F13B: variants seen among roughly 807,000 people sequenced by gnomAD.
F13B encodes TGase.
A neutral mutation model predicts 79.8 loss-of-function variants in F13B; 58 were observed. The observed-to-expected ratio is 0.73, with a 90% CI of 0.59 to 0.90. F13B has a LOEUF of 0.90. Among genes scored for constraint, F13B ranks in the 40% least tolerant of loss-of-function variants. The pLI is 0.00. For synonymous variants in F13B, 283 were observed against 260.3 expected, an observed-to-expected ratio of 1.09 and a Z score of -0.84; for missense variants, 773 against 777.0, an observed-to-expected ratio of 0.99 and a Z score of 0.06.
At chr1:197,045,283 AAG>A (rs780979627) in intron 10 of F13B, among the ~76,000 whole-genome samples, 13 of 152,236 alleles carry the variant, frequency 8.5e-5, no homozygotes, top group Non-Finnish European at 1.8e-4. Flanking sequence ...TAAAGAAGAA[AAG>A]AGAGAAGAAT....
intron 10 of F13B, among the ~76,000 whole-genome samples, chr1:197,042,638 G>C (rs1309904332): frequency 6.9e-6 from 1 of 144,318 alleles, no homozygotes; most frequent in Admixed American, 7.2e-5. Flanking sequence ...GGCCAACATG[G>C]TGAAACCCCA....
At chr1:197,062,072 T>C in intron 2 of F13B, 103 bp from the exon 3 acceptor site, 1 of 995,974 alleles carries the variant, frequency 1.0e-6, no homozygotes, top group South Asian at 1.5e-5. Flanking sequence ...GGCGATTTCA[T>C]TTTGGAAATA....
At position 197,039,163 on chromosome 1, in the gene F13B, A is replaced by G. The variant is rs1654946758; in HGVS notation, c.*215T>C. ...ATTTGTAACAGATGGAAGACATACAAAAGAGATTAAGTTCTACATCAAATC... is the reference window on the plus strand; with the variant it reads ...ATTTGTAACAGATGGAAGACATACAGAAGAGATTAAGTTCTACATCAAATC... On this transcript the variant is annotated 3_prime_UTR_variant, in exon 12 of 12. Coordinates refer to ENST00000367412, the MANE Select transcript of F13B (RefSeq NM_001994.3). 5 of 527,022 alleles carry G rather than the reference A, an allele frequency of 9.5e-6. No homozygotes were observed. In the African/African-American group the frequency reaches 9.6e-5, roughly 10 times the overall value. 32.6% of individuals were successfully genotyped at this position (527,022 alleles called of 1,614,324 possible).
intron 1 of F13B, 47 bp downstream of exon 1, chr1:197,067,113 C>T: frequency 9.0e-7 from 1 of 1,110,528 alleles, no homozygotes; most frequent in African/African-American, 1.5e-5. Context: ...ATTAGAATCT[C>T]CATTTGTATG....
intron 10 of F13B, among the ~76,000 whole-genome samples, chr1:197,046,674 A>T (rs1655244783): frequency 6.6e-6 from 1 of 152,208 alleles, no homozygotes; most frequent in Non-Finnish European, 1.5e-5. Flanking sequence ...TAAAATTCAT[A>T]TGGAACCAAA....
intron 1 of F13B, 92 bp from the exon 2 acceptor site, chr1:197,063,149 G>T (rs1481359899): frequency 4.5e-6 from 5 of 1,101,464 alleles, no homozygotes; most frequent in Non-Finnish European, 6.8e-6. Flanking sequence ...AAAGTTTTTA[G>T]AGACACTTCA....
At chr1:197,056,965 A>G in intron 7 of F13B, 48 bp downstream of exon 7, 1 of 1,601,150 alleles carries the variant, frequency 6.2e-7, no homozygotes, top group Non-Finnish European at 8.5e-7. Context: ...AGAATGGAAA[A>G]TTTTACACCA....
At position 197,057,451 on chromosome 1, in the gene F13B, A is replaced by G. The variant is rs1226988169; in HGVS notation, c.820T>C (p.Cys274Arg). 18 of 1,613,698 alleles carry G rather than the reference A, an allele frequency of 1.1e-5. No individual in the cohort carries two copies. The highest frequency in any genetic ancestry group is 1.4e-5 in the Non-Finnish European group (17 of 1,179,832). ...TTTATGGGCAGAGGTGGAGGAGGAC[A>G]TCTGTTTCTTCTTCCTTATGGAAAA... The part of the protein sequence containing the change: ...SPVCEGRRNR[C>R]PPPPLPINSK... Residue 274 changes from cysteine (C) to arginine (R), a missense_variant, in exon 6 of 12, where the codon TGT becomes CGT. Physicochemically the swap from Cys to Arg is radical, Grantham distance 180. Coordinates refer to ENST00000367412, the MANE Select transcript of F13B (RefSeq NM_001994.3).
chr1:197,054,805 T>C (rs1156457146), intron 8 of F13B, among the ~76,000 whole-genome samples: 4 of 151,984 alleles, frequency 2.6e-5, no homozygotes, highest in Non-Finnish European at 2.9e-5. Flanking sequence ...AATTCACTTA[T>C]GGTAGGGTTA....
chr1:197,058,619 C>T (rs17514274), intron 5 of F13B, among the ~76,000 whole-genome samples: 2,489 of 152,258 alleles, frequency 0.016, 27 homozygotes, highest in Middle Eastern at 0.045. Flanking sequence ...AGTCAATCTC[C>T]CTCTGCCTCC....
chr1:197,048,125 T>TAAAATGGGAA (rs1322285625), intron 10 of F13B, among the ~76,000 whole-genome samples: 2 of 150,114 alleles, frequency 1.3e-5, no homozygotes, highest in East Asian at 3.9e-4. Context: ...CCCTAGAACT[T>TAAAATGGGAA]AAAATATTAT....
chr1:197,042,928 C>T (rs947770943), intron 10 of F13B, among the ~76,000 whole-genome samples: 1 of 151,122 alleles, frequency 6.6e-6, no homozygotes, highest in African/African-American at 2.4e-5. Context: ...GGCATACAGC[C>T]AGCAGAACTT....
At position 197,040,666 on chromosome 1, in the gene F13B, C is replaced by T. The variant is rs770302077; in HGVS notation, c.1808G>A (p.Arg603Lys). ...NLLLKWDFDNRPHILHGEYIE... is the reference protein window; with the variant it reads ...NLLLKWDFDNKPHILHGEYIE... ...ATATTCACCATGCAAAATGTGTGGT[C>T]TATTGTCAAAATCCCATTTCAGAAG... Residue 603 changes from arginine (R) to lysine (K), a missense_variant, in exon 11 of 12, where the codon AGA (arginine) becomes AAA (lysine). By Grantham distance (26) the Arg-to-Lys change is conservative. Coordinates refer to ENST00000367412, the MANE Select transcript of F13B (RefSeq NM_001994.3). The T allele has an allele frequency of 3.7e-6, 6 of 1,612,826 alleles. No individual in the cohort carries two copies. The Admixed American group carries it at 1.0e-4, about 27-fold the overall frequency.
In F13B at chr1:197,061,764, T is replaced by G. The variant is rs772285721; in HGVS notation, c.451+20A>C. On this transcript the variant is annotated intron_variant, in intron 3 of 11. Coordinates refer to ENST00000367412, the MANE Select transcript of F13B (RefSeq NM_001994.3). ...GCTTGATAAGCACTTATCTTCAGTTTTAGGAAATGATTCTTATACCATGTT... is the reference window on the plus strand; with the variant it reads ...GCTTGATAAGCACTTATCTTCAGTTGTAGGAAATGATTCTTATACCATGTT... 1 of 1,606,056 alleles carries G rather than the reference T, an allele frequency of 6.2e-7. No individual in the cohort carries two copies. The highest frequency in any genetic ancestry group is 8.5e-7 in the Non-Finnish European group (1 of 1,173,214).
intron 5 of F13B, among the ~76,000 whole-genome samples, chr1:197,058,025 G>C (rs1404139172): frequency 6.6e-6 from 1 of 152,016 alleles, no homozygotes; most frequent in African/African-American, 2.4e-5. Flanking sequence ...GCAAGGAGTC[G>C]GTTAAGCCGC....
At chr1:197,062,253 C>G (rs1655891670) in intron 2 of F13B, among the ~76,000 whole-genome samples, 1 of 152,092 alleles carries the variant, frequency 6.6e-6, no homozygotes, top group Non-Finnish European at 1.5e-5. Context: ...ACGAAACTGG[C>G]TCAACCAAAG....
chr1:197,047,829 T>C (rs1655291175), intron 10 of F13B, among the ~76,000 whole-genome samples: 2 of 152,170 alleles, frequency 1.3e-5, no homozygotes, highest in South Asian at 4.1e-4. Flanking sequence ...GATGAGTTCA[T>C]GCCCTTTGCA....
intron 6 of F13B, 23 bp from the exon 7 acceptor site, chr1:197,057,221 G>C (rs1655678498): frequency 1.2e-6 from 2 of 1,613,898 alleles, no homozygotes; most frequent in Admixed American, 1.7e-5. Flanking sequence ...AGTTGAAAGA[G>C]AACTGACCAT....
Position 197,055,702 on chromosome 1 carries a change from T to C in F13B, c.1354+13A>G. The C allele has an allele frequency of 6.2e-7, 1 of 1,612,882 alleles. No individual in the cohort carries two copies. Among genetic ancestry groups the C allele is most frequent in the East Asian group, 2.2e-5 (1 of 44,834 alleles). On this transcript the variant is annotated intron_variant, in intron 8 of 11. Coordinates refer to ENST00000367412, the MANE Select transcript of F13B (RefSeq NM_001994.3). ...AGTACAAACGTAGACATTCCATGTG[T>C]TCTCTTTCTTACCCAAGCAAACAGG...
Sources: allele counts gnomAD v4.1 joint callset (sites outside exome capture counted in the v4.1 genomes callset), GRCh38; gene constraint gnomAD v4.1.1; transcripts MANE v1.5; gene names NCBI Gene and HGNC (gene_info 2026-07-23, HGNC 2026-07-21).